Variants in CPNE1 observed in about 807,000 individuals in gnomAD.
CPNE1 encodes the protein copine-1.
A neutral mutation model predicts 63.2 loss-of-function variants in CPNE1; 58 were observed. The ratio of observed to expected loss-of-function variants is 0.92; its 90% CI spans 0.74 to 1.14. CPNE1 has a LOEUF of 1.14. CPNE1 is among the 50% of genes most tolerant of loss of function. The pLI is 0.00. For synonymous variants in CPNE1, 237 were observed against 249.0 expected, an observed-to-expected ratio of 0.95 and a Z score of 0.45; for missense variants, 672 against 661.7, an observed-to-expected ratio of 1.02 and a Z score of -0.17.
intron 1 of CPNE1, chr20:35,654,929 T>C: frequency 1.2e-6 from 2 of 1,614,164 alleles, no homozygotes; most frequent in Non-Finnish European, 1.7e-6. Flanking sequence ...GTAACTACAC[T>C]GGGTGATGGA....
chr20:35,641,079 C>A (rs142518690), intron 1 of CPNE1, among the ~76,000 whole-genome samples: 158 of 152,290 alleles, frequency 1.0e-3, no homozygotes, highest in South Asian at 3.9e-3. Context: ...TCAATGTGCC[C>A]TAGCAGGGCA....
intron 1 of CPNE1, among the ~76,000 whole-genome samples, chr20:35,647,783 G>A (rs1029659758): frequency 3.3e-5 from 5 of 151,916 alleles, no homozygotes; most frequent in Non-Finnish European, 5.9e-5. Context: ...AGCTGGGCAC[G>A]GTGGCTCACG....
intron 12 of CPNE1, 112 bp from the exon 13 acceptor site, chr20:35,630,602 G>C: frequency 1.4e-6 from 2 of 1,446,628 alleles, no homozygotes; most frequent in South Asian, 2.3e-5. Flanking sequence ...CTGAGCACTT[G>C]CTGTCTACGT....
rs777865462 is a variant in CPNE1, at chr20:35,627,249, C to G, written c.1236+31G>C. On this transcript the variant is annotated intron_variant, in intron 14 of 15. Coordinates refer to ENST00000397443, the MANE Select transcript of CPNE1 (RefSeq NM_152925.3). ...AACCCTCAAGGAAGCCCTTGATTGC[C>G]ACCACTGCCACTGCCACCCACGACT... 30 of 1,589,950 alleles carry G rather than the reference C, an allele frequency of 1.9e-5. No homozygotes were observed. In the South Asian group the frequency reaches 3.0e-4, roughly 16 times the overall value.
Position 35,631,052 on chromosome 20 carries a change from A to G in CPNE1, c.862-18T>C, listed in dbSNP as rs570113187. 8.1e-6 allele frequency: 13 copies of G among 1,614,152 alleles called. No homozygotes were observed. In the East Asian group the frequency reaches 2.9e-4, roughly 36 times the overall value. Reference sequence around the variant, plus strand: ...ACGCCCACCTGGGAGGAGGTGAGGAAGGCAGCTAAAGGCCACCCTGAGCCC... The same window carrying G: ...ACGCCCACCTGGGAGGAGGTGAGGAGGGCAGCTAAAGGCCACCCTGAGCCC... On this transcript the variant is annotated intron_variant, in intron 10 of 15. Transcript: ENST00000397443.
At chr20:35,652,725 A>G (rs2033606527) in intron 1 of CPNE1, 2 of 1,613,924 alleles carry the variant, frequency 1.2e-6, no homozygotes, top group African/African-American at 1.3e-5. Context: ...CAATAGACAC[A>G]GTAAAGGGCA....
At chr20:35,652,472 G>A (rs2033588115) in intron 1 of CPNE1, 3 of 1,531,158 alleles carry the variant, frequency 2.0e-6, no homozygotes, top group Non-Finnish European at 2.6e-6. Context: ...CAATCTGGAT[G>A]CATTAATCAC....
chr20:35,655,563 A>C (rs2033845470), intron 1 of CPNE1, among the ~76,000 whole-genome samples: 1 of 152,248 alleles, frequency 6.6e-6, no homozygotes, highest in East Asian at 1.9e-4. Flanking sequence ...TAATTTTGGA[A>C]ACAGTTCAGT....
In CPNE1 at chr20:35,652,852, G is replaced by C; in HGVS notation, c.-1+11908C>G. ...GCCGGGGCCGGGGCCAGGCCCAAAAGCTGGTGGCCCACCCAAATGCCCAGG... is the reference window on the plus strand; with the variant it reads ...GCCGGGGCCGGGGCCAGGCCCAAAACCTGGTGGCCCACCCAAATGCCCAGG... On this transcript the variant is annotated intron_variant, in intron 1 of 15. Transcript: ENST00000397443. The C allele has an allele frequency of 1.9e-6, 3 of 1,609,144 alleles. No individual in the cohort carries two copies. The East Asian group carries it at 6.7e-5, about 36-fold the overall frequency.
At chr20:35,661,071 TAGAAA>T (rs2146379218) in intron 1 of CPNE1, among the ~76,000 whole-genome samples, 1 of 152,344 alleles carries the variant, frequency 6.6e-6, no homozygotes, top group African/African-American at 2.4e-5. Context: ...TCAATCCAGA[TAGAAA>T]TTTATGATTC....
intron 1 of CPNE1, among the ~76,000 whole-genome samples, chr20:35,660,987 G>A (rs2034202939): frequency 6.6e-6 from 1 of 152,138 alleles, no homozygotes; most frequent in East Asian, 1.9e-4. Context: ...ATTCCACAAG[G>A]CAAGGCTGAA....
chr20:35,641,894 G>A (rs2032832293), intron 1 of CPNE1, among the ~76,000 whole-genome samples: 1 of 152,238 alleles, frequency 6.6e-6, no homozygotes, highest in Non-Finnish European at 1.5e-5. Context: ...CTGCAGCAGT[G>A]TGCTGGCGCA....
intron 1 of CPNE1, chr20:35,654,199 C>T: frequency 6.2e-7 from 1 of 1,614,214 alleles, no homozygotes; most frequent in Non-Finnish European, 8.5e-7. Flanking sequence ...TGTGGCAGGG[C>T]TAACTTCCAC....
In CPNE1 at chr20:35,662,172, G is replaced by T. The variant is rs535076624; in HGVS notation, c.-1+2588C>A. Among the ~76,000 whole-genome samples the T allele has an allele frequency of 3.0e-4, 46 of 152,186 alleles. No individual in the cohort carries two copies. The South Asian group carries it at 9.6e-3, about 32-fold the overall frequency. On this transcript the variant is annotated intron_variant, in intron 1 of 15. Coordinates refer to ENST00000397443, the MANE Select transcript of CPNE1 (RefSeq NM_152925.3). ...ATTAACCTCCATTCCGTACTCAAAG[G>T]CAGCAAATCAGAAGACATTTCTAAA... is the stretch of plus-strand genomic sequence containing the variant.
In CPNE1 at chr20:35,630,451, G is replaced by A. The variant is rs768894792; in HGVS notation, c.1090C>T (p.Pro364Ser). The A allele has an allele frequency of 3.2e-5, 51 of 1,614,014 alleles. No individual in the cohort carries two copies. The highest frequency in any genetic ancestry group is 4.2e-5 in the Non-Finnish European group (49 of 1,179,990). ...EFALNFNPSN[P>S]YCAGIQGIVD... is the part of the protein sequence containing the mutation. ...TGGGGAAACTTACCTGCACAGTAGGGGTTACTGGGGTTGAAATTCAAGGCA... is the reference window on the plus strand; with the variant it reads ...TGGGGAAACTTACCTGCACAGTAGGAGTTACTGGGGTTGAAATTCAAGGCA... The change falls in exon 13 of 16, where the codon CCC becomes TCC. Residue 364 changes from proline (P) to serine (S), a missense_variant. Physicochemically the swap from Pro to Ser is moderately conservative, Grantham distance 74. Transcript: ENST00000397443.
intron 1 of CPNE1, chr20:35,664,472 C>T: frequency 6.6e-6 from 1 of 152,366 alleles, no homozygotes; most frequent in East Asian, 1.9e-4. Flanking sequence ...TCGCAGGCCG[C>T]TGAGCCAGCC....
At chr20:35,628,809 T>G (rs1442755014) in intron 13 of CPNE1, among the ~76,000 whole-genome samples, 1 of 152,230 alleles carries the variant, frequency 6.6e-6, no homozygotes, top group African/African-American at 2.4e-5. Context: ...ATAGCATAGA[T>G]GTTCATTTCC....
intron 1 of CPNE1, among the ~76,000 whole-genome samples, chr20:35,655,526 T>C (rs898443618): frequency 1.3e-5 from 2 of 152,228 alleles, no homozygotes; most frequent in African/African-American, 4.8e-5. Flanking sequence ...ATGTAAAACG[T>C]AGACAATTTC....
At chr20:35,634,244 G>T (rs1382915262) in intron 1 of CPNE1, among the ~76,000 whole-genome samples, 2 of 141,072 alleles carry the variant, frequency 1.4e-5, no homozygotes, top group Non-Finnish European at 3.0e-5. Context: ...CTGGGGGACC[G>T]AGGTTGACTC....
Sources: allele counts gnomAD v4.1 joint callset (sites outside exome capture counted in the v4.1 genomes callset), GRCh38; gene constraint gnomAD v4.1.1; transcripts MANE v1.5; gene names NCBI Gene and HGNC (gene_info 2026-07-23, HGNC 2026-07-21).